Variants in ZNF438 observed in about 807,000 individuals in gnomAD.
ZNF438 encodes the protein zinc finger protein 438.
A neutral mutation model predicts 38.0 loss-of-function variants in ZNF438; 25 were observed. The observed-to-expected ratio is 0.66, with a 90% CI of 0.48 to 0.92. ZNF438 has a LOEUF of 0.92. Ranked by LOEUF, ZNF438 falls within the 40% of genes least tolerant of loss-of-function variation. The pLI is 0.00. For synonymous variants in ZNF438, 372 were observed against 364.1 expected, an observed-to-expected ratio of 1.02 and a Z score of -0.25; for missense variants, 1,007 against 999.6, an observed-to-expected ratio of 1.01 and a Z score of -0.10.
chr10:30,945,674 C>T lies in ZNF438; in HGVS notation c.-191-4023G>A, dbSNP rs376710698. On this transcript the variant is annotated intron_variant, in intron 1 of 5. Transcript: ENST00000413025. The stretch of plus-strand genomic sequence containing the variant: ...GGTGTTTGGTTTTTTGTTCTTGCGA[C>T]AGTTTACTGAGAATGATGATTTCCA... Among the ~76,000 whole-genome samples, 8 of 137,000 alleles carry T rather than the reference C, an allele frequency of 5.8e-5. No individual in the cohort carries two copies. The East Asian group carries it at 1.2e-3, about 21-fold the overall frequency. 89.9% of individuals were successfully genotyped at this position (137,000 alleles called of 152,430 possible). A position where few individuals can be genotyped will look rare whatever the true frequency, so the allele number is the denominator to read the frequency against.
At chr10:31,032,348 G>C (rs74639398), upstream of ZNF438, among the ~76,000 whole-genome samples, 1,526 of 152,242 alleles carry the variant, frequency 0.01, 21 homozygotes, top group African/African-American at 0.034. Context: ...GCCCTGAAAA[G>C]ACAGCTCTCC....
At chr10:30,993,186 G>A (rs1354007552) in intron 1 of ZNF438, among the ~76,000 whole-genome samples, 1 of 152,176 alleles carries the variant, frequency 6.6e-6, no homozygotes, top group Non-Finnish European at 1.5e-5. Flanking sequence ...TTGATACAAG[G>A]GACCCAGAGG....
intron 2 of ZNF438, among the ~76,000 whole-genome samples, chr10:30,934,807 A>C (rs2046065431): frequency 6.6e-6 from 1 of 152,234 alleles, no homozygotes; most frequent in Non-Finnish European, 1.5e-5. Flanking sequence ...TATAGAAACT[A>C]ATGATTGCTT....
intron 3 of ZNF438, among the ~76,000 whole-genome samples, chr10:30,887,433 T>C (rs1467910506): frequency 2.0e-5 from 3 of 152,038 alleles, no homozygotes; most frequent in Admixed American, 6.6e-5. Flanking sequence ...AGTGCAGTGG[T>C]GAGGTCTCGG....
At chr10:30,901,638 G>A (rs992290210) in intron 3 of ZNF438, among the ~76,000 whole-genome samples, 5 of 152,046 alleles carry the variant, frequency 3.3e-5, no homozygotes, top group African/African-American at 9.7e-5. Context: ...CAATTGTCTC[G>A]TCGCTTGGCA....
intron 3 of ZNF438, among the ~76,000 whole-genome samples, chr10:30,891,358 C>T (rs997252412): frequency 2.0e-5 from 3 of 151,940 alleles, no homozygotes; most frequent in Non-Finnish European, 4.4e-5. Context: ...CTTAACTTTA[C>T]CTCCCAGTGT....
At chr10:30,870,274 C>T (rs2994664) in intron 4 of ZNF438, among the ~76,000 whole-genome samples, 19,125 of 151,994 alleles carry the variant, frequency 0.13, 1,598 homozygotes, top group Middle Eastern at 0.24. Context: ...GGTGCTTTCA[C>T]GGTCATTCAT....
chr10:30,933,345 A>T (rs942496552), intron 2 of ZNF438, among the ~76,000 whole-genome samples: 49 of 152,262 alleles, frequency 3.2e-4, no homozygotes, highest in African/African-American at 1.2e-3. Flanking sequence ...GCAGGACCAA[A>T]GTTGCCAGTT....
At chr10:30,956,119 T>A (rs1013183493) in intron 1 of ZNF438, among the ~76,000 whole-genome samples, 1 of 152,234 alleles carries the variant, frequency 6.6e-6, no homozygotes. Context: ...CTTCAGTTCA[T>A]TTAACACAGT....
intron 1 of ZNF438, among the ~76,000 whole-genome samples, chr10:31,018,433 G>C (rs191141900): frequency 6.6e-6 from 1 of 152,120 alleles, no homozygotes; most frequent in African/African-American, 2.4e-5. Flanking sequence ...GTACAAACTG[G>C]GTAGACAAAT....
chr10:30,910,122 A>G (rs1476677240), intron 2 of ZNF438, among the ~76,000 whole-genome samples: 1 of 152,094 alleles, frequency 6.6e-6, no homozygotes, highest in Non-Finnish European at 1.5e-5. Context: ...TGGCTGCACA[A>G]AGACTTCAGG....
intron 1 of ZNF438, among the ~76,000 whole-genome samples, chr10:30,952,081 C>T (rs1193239224): frequency 6.6e-6 from 1 of 151,036 alleles, no homozygotes; most frequent in African/African-American, 2.4e-5. Flanking sequence ...GAACAGAGCC[C>T]TCAGAAATAA....
exon 6 of ZNF438, chr10:30,844,920 G>A: frequency 6.3e-7 from 1 of 1,580,478 alleles, no homozygotes; most frequent in Non-Finnish European, 8.6e-7. Context: ...AAGGAAGGTG[G>A]CGGCAGAGCT....
At chr10:30,936,519 C>A (rs1168240146) in intron 2 of ZNF438, among the ~76,000 whole-genome samples, 1 of 151,934 alleles carries the variant, frequency 6.6e-6, no homozygotes, top group African/African-American at 2.4e-5. Context: ...ACTAAAAATA[C>A]AAAAATTAGC....
At chr10:30,940,855 A>C (rs895066788) in intron 2 of ZNF438, among the ~76,000 whole-genome samples, 8 of 152,208 alleles carry the variant, frequency 5.3e-5, no homozygotes, top group Non-Finnish European at 1.2e-4. Flanking sequence ...CTAGTTAATT[A>C]ACAAAATATT....
At chr10:30,936,726 G>A (rs115366948) in intron 2 of ZNF438, among the ~76,000 whole-genome samples, 242 of 152,178 alleles carry the variant, frequency 1.6e-3, no homozygotes, top group African/African-American at 5.4e-3. Context: ...AACAATAAAC[G>A]TATTGTCATG....
At chr10:30,940,766 T>C (rs73252645) in intron 2 of ZNF438, among the ~76,000 whole-genome samples, 1,856 of 152,288 alleles carry the variant, frequency 0.012, 40 homozygotes, top group African/African-American at 0.041. Flanking sequence ...AGGAGATCAC[T>C]ATAAGAGTTG....
intron 1 of ZNF438, among the ~76,000 whole-genome samples, chr10:30,985,361 G>T (rs1470242916): frequency 6.6e-6 from 1 of 152,150 alleles, no homozygotes; most frequent in African/African-American, 2.4e-5. Context: ...TTTTCATCTA[G>T]ATCCAATGAC....
At chr10:30,903,337 C>A (rs1007079102) in intron 3 of ZNF438, among the ~76,000 whole-genome samples, 4 of 152,216 alleles carry the variant, frequency 2.6e-5, no homozygotes, top group African/African-American at 7.2e-5. Context: ...GGGCTGCCAG[C>A]ACACTGTCAC....
Sources: allele counts gnomAD v4.1 joint callset (sites outside exome capture counted in the v4.1 genomes callset), GRCh38; gene constraint gnomAD v4.1.1; transcripts MANE v1.5; gene names NCBI Gene and HGNC (gene_info 2026-07-23, HGNC 2026-07-21).